Variants in MATN2 observed in about 807,000 individuals in gnomAD.
MATN2 encodes the protein matrilin-2.
A neutral mutation model predicts 103.2 loss-of-function variants in MATN2; 69 were observed. The ratio of observed to expected loss-of-function variants is 0.67; its 90% CI spans 0.55 to 0.82. The LOEUF is 0.82. MATN2 is among the 40% of genes least tolerant of loss of function. The probability of loss-of-function intolerance (pLI) is 0.00; values close to 1 mark genes in which losing one functional copy is unlikely to be tolerated. For missense variants in MATN2, 1,023 were observed against 1,211.5 expected (o/e 0.84, Z 2.31); for synonymous variants, 429 against 450.2 (o/e 0.95, Z 0.60).
At chr8:98,024,106 T>C (rs1813699292) in intron 13 of MATN2, among the ~76,000 whole-genome samples, 1 of 152,150 alleles carries the variant, frequency 6.6e-6, no homozygotes, top group Non-Finnish European at 1.5e-5. Flanking sequence ...ACCTAAGTGA[T>C]GGGCTGATAG....
intron 2 of MATN2, among the ~76,000 whole-genome samples, chr8:97,899,495 C>T (rs928096717): frequency 6.6e-6 from 1 of 152,112 alleles, no homozygotes; most frequent in African/African-American, 2.4e-5. Flanking sequence ...CTCAAGGTGT[C>T]GGCTGTGTTG....
At chr8:97,880,110 G>C (rs1406398107) in intron 1 of MATN2, among the ~76,000 whole-genome samples, 1 of 136,026 alleles carries the variant, frequency 7.4e-6, no homozygotes, top group African/African-American at 2.8e-5. Flanking sequence ...TTGAGACCAA[G>C]TCTTGCATTG....
rs867853972 is a variant in MATN2, at chr8:97,888,362, C to T, written c.142+120C>T. The T allele has an allele frequency of 4.2e-5, 51 of 1,218,188 alleles. No individual in the cohort carries two copies. The Middle Eastern group carries it at 1.5e-3, about 35-fold the overall frequency. The allele number at this position is 1,218,188 out of a possible 1,614,324, so 75.5% of individuals were successfully genotyped here. The stretch of plus-strand genomic sequence containing the variant: ...TTTCCCTGGGTCCTTGTTGGATGTG[C>T]TGGGCCTGGGGTCCTCACTGGTGGT... On this transcript the variant is annotated intron_variant, in intron 2 of 18. Transcript: ENST00000254898.
intron 10 of MATN2, among the ~76,000 whole-genome samples, chr8:98,009,171 C>T (rs749762178): frequency 1.3e-5 from 2 of 152,120 alleles, no homozygotes; most frequent in Non-Finnish European, 2.9e-5. Context: ...CCTCAGGAAC[C>T]GTATAGGAGA....
At chr8:97,908,923 C>T (rs2130062038) in intron 2 of MATN2, among the ~76,000 whole-genome samples, 1 of 152,266 alleles carries the variant, frequency 6.6e-6, no homozygotes, top group South Asian at 2.1e-4. Context: ...GCCACCATGC[C>T]TGCACCAGCC....
At chr8:98,004,893 T>C (rs1812918197) in intron 8 of MATN2, among the ~76,000 whole-genome samples, 2 of 152,352 alleles carry the variant, frequency 1.3e-5, no homozygotes, top group South Asian at 2.1e-4. Context: ...CCACGGGTCC[T>C]GGCCAGCAGG....
At chr8:98,003,297 C>T (rs193107351) in intron 7 of MATN2, among the ~76,000 whole-genome samples, 2 of 152,292 alleles carry the variant, frequency 1.3e-5, no homozygotes, top group Non-Finnish European at 2.9e-5. Context: ...TGGAACTCCT[C>T]CTCCTCCCTG....
chr8:97,948,446 CT>C (rs150596248), intron 4 of MATN2, among the ~76,000 whole-genome samples: 13,886 of 152,140 alleles, frequency 0.091, 906 homozygotes, highest in Admixed American at 0.2. Flanking sequence ...GATTTCAAGA[CT>C]AAGTATAAAA....
chr8:97,999,791 C>T (rs1008141740), intron 7 of MATN2, among the ~76,000 whole-genome samples: 1 of 152,000 alleles, frequency 6.6e-6, no homozygotes, highest in African/African-American at 2.4e-5. Context: ...TGTCTGCAGC[C>T]ATTCTGCTCA....
At chr8:97,881,401 T>G (rs1453791921) in intron 1 of MATN2, among the ~76,000 whole-genome samples, 1 of 152,120 alleles carries the variant, frequency 6.6e-6, no homozygotes, top group Non-Finnish European at 1.5e-5. Context: ...GCCTGTGGAT[T>G]TACTTGCAAC....
intron 1 of MATN2, among the ~76,000 whole-genome samples, chr8:97,869,959 C>T (rs1236578541): frequency 6.6e-6 from 1 of 152,106 alleles, no homozygotes; most frequent in Admixed American, 6.5e-5. Context: ...CCTGAACAAA[C>T]CCAATTGACC....
At chr8:97,963,559 T>G (rs1811383826) in intron 5 of MATN2, among the ~76,000 whole-genome samples, 1 of 152,206 alleles carries the variant, frequency 6.6e-6, no homozygotes, top group Admixed American at 6.5e-5. Flanking sequence ...TGACATTTAT[T>G]GAAGAGCTAC....
intron 4 of MATN2, among the ~76,000 whole-genome samples, chr8:97,954,418 T>G (rs1243695565): frequency 1.3e-5 from 2 of 152,336 alleles, no homozygotes. Context: ...TTCTATCAGG[T>G]ATGTGCTGCT....
intron 1 of MATN2, among the ~76,000 whole-genome samples, chr8:97,875,348 A>G (rs1818034229): frequency 6.6e-6 from 1 of 152,212 alleles, no homozygotes; most frequent in African/African-American, 2.4e-5. Flanking sequence ...CAGGTCTCTC[A>G]GTCCCTCTGT....
intron 2 of MATN2, among the ~76,000 whole-genome samples, chr8:97,920,419 G>A (rs1809774087): frequency 6.6e-6 from 1 of 152,136 alleles, no homozygotes; most frequent in Non-Finnish European, 1.5e-5. Flanking sequence ...TATTGGCCAG[G>A]CTGGTCTTGA....
chr8:97,970,389 CTG>C (rs144711963), intron 5 of MATN2, among the ~76,000 whole-genome samples: 3,154 of 152,302 alleles, frequency 0.021, 120 homozygotes, highest in African/African-American at 0.072. Context: ...AGCCCCACCT[CTG>C]GAGTCAAGTC....
At chr8:97,919,273 G>A (rs1809731394) in intron 2 of MATN2, among the ~76,000 whole-genome samples, 1 of 152,164 alleles carries the variant, frequency 6.6e-6, no homozygotes. Context: ...TGGGTCTAGG[G>A]TACAGCTGGA....
intron 2 of MATN2, among the ~76,000 whole-genome samples, chr8:97,921,938 G>C (rs569352566): frequency 1.3e-5 from 2 of 152,208 alleles, no homozygotes; most frequent in Non-Finnish European, 2.9e-5. Context: ...TGAATGGCAG[G>C]TGAGCATTAC....
At chr8:97,929,471 C>T (rs986836224) in intron 2 of MATN2, among the ~76,000 whole-genome samples, 20 of 152,110 alleles carry the variant, frequency 1.3e-4, no homozygotes, top group African/African-American at 4.1e-4. Context: ...TCAGAATATC[C>T]GAGAAACTCC....
Sources: gnomAD v4.1 joint callset for allele counts (sites outside exome capture counted in the v4.1 genomes callset) on GRCh38, gnomAD v4.1.1 for gene constraint, MANE v1.5 for transcripts, NCBI Gene and HGNC (gene_info 2026-07-23, HGNC 2026-07-21) for gene names.